The following RNF123 variants were observed in gnomAD, a reference collection of about 807,000 sequenced individuals.
RNF123 encodes the protein E3 ubiquitin-protein ligase RNF123.
RNF123 carries 86 observed loss-of-function variants against 168.5 expected under a neutral mutation model. The ratio of observed to expected loss-of-function variants is 0.51; its 90% CI spans 0.43 to 0.61. RNF123 has a LOEUF of 0.61. RNF123 is among the 20% of genes least tolerant of loss of function. RNF123 has a pLI of 0.00. For synonymous variants in RNF123, 666 were observed against 689.1 expected (o/e 0.97, Z 0.52); for missense variants, 1,419 against 1,729.7 (o/e 0.82, Z 3.19).
intron 30 of RNF123, 36 bp from the exon 31 acceptor site, chr3:49,714,054 T>C (rs765163891): frequency 1.2e-6 from 2 of 1,613,676 alleles, no homozygotes; most frequent in Non-Finnish European, 1.7e-6. Context: ...GGGTGCGCTG[T>C]CCCATTGACC....
Position 49,702,622 on chromosome 3 carries a change from G to A in RNF123, c.1630-11G>A. 6.2e-7 allele frequency: 1 copy of A among 1,614,214 alleles called. No homozygotes were observed. On this transcript the variant is annotated splice_polypyrimidine_tract_variant and intron_variant, in intron 19 of 38. Coordinates refer to ENST00000327697, the MANE Select transcript of RNF123 (RefSeq NM_022064.5). Reference sequence around the variant, plus strand: ...TGGCACCAATGCATGTTTCATGCCTGGTGTCCACAGAACATGCCCATGCTC... The same window carrying A: ...TGGCACCAATGCATGTTTCATGCCTAGTGTCCACAGAACATGCCCATGCTC...
Position 49,719,229 on chromosome 3 carries a change from G to T in RNF123, c.3501-1282G>T, listed in dbSNP as rs1374514141. The stretch of plus-strand genomic sequence containing the variant: ...GCAGCTGGAAGAGGGGCGCCAACCA[G>T]CCGGGGCGCAGGCGCTGGAGCGCGT... On this transcript the variant is annotated intron_variant, in intron 35 of 38. Coordinates refer to ENST00000327697, the MANE Select transcript of RNF123 (RefSeq NM_022064.5). 1.9e-6 allele frequency: 3 copies of T among 1,613,180 alleles called. No individual in the cohort carries two copies. In the Admixed American group the frequency reaches 5.0e-5, roughly 27 times the overall value.
chr3:49,712,373 T>G, intron 26 of RNF123, 106 bp from the exon 27 acceptor site: 1 of 1,026,898 alleles, frequency 9.7e-7, no homozygotes, highest in South Asian at 1.5e-5. Context: ...AGGTCTCAGT[T>G]GTGCTGTCGT....
chr3:49,718,225 C>T (rs2080291435), intron 35 of RNF123: 1 of 1,611,834 alleles, frequency 6.2e-7, no homozygotes, highest in Admixed American at 1.7e-5. Context: ...GCGGCAGCGG[C>T]AGGCACGGCG....
At position 49,714,002 on chromosome 3, in the gene RNF123, G is replaced by T; in HGVS notation, c.2925+5G>T. Reference sequence around the variant, plus strand: ...ATCCTGGTGCGGCTCTGGAGGGTAAGCCTGACTCGAGGGGAAGTGGCTGAG... The same window carrying T: ...ATCCTGGTGCGGCTCTGGAGGGTAATCCTGACTCGAGGGGAAGTGGCTGAG... On this transcript the variant is annotated splice_donor_5th_base_variant and intron_variant, in intron 30 of 38. Coordinates refer to ENST00000327697, the MANE Select transcript of RNF123 (RefSeq NM_022064.5). 1 of 1,614,092 alleles carries T rather than the reference G, an allele frequency of 6.2e-7. No homozygotes were observed. The highest frequency in any genetic ancestry group is 8.5e-7 in the Non-Finnish European group (1 of 1,180,004).
chr3:49,713,594 G>T lies in RNF123; in HGVS notation c.2749+7G>T. The T allele has an allele frequency of 6.2e-7, 1 of 1,610,910 alleles. No individual in the cohort carries two copies. The highest frequency in any genetic ancestry group is 8.5e-7 in the Non-Finnish European group (1 of 1,178,686). On this transcript the variant is annotated splice_region_variant and intron_variant, in intron 28 of 38. Coordinates refer to ENST00000327697, the MANE Select transcript of RNF123 (RefSeq NM_022064.5). ...GCACGCATTGTGGGCACTGGTGAGG[G>T]GCCCCTACAGAGGGTACAGGGGGAG...
Position 49,715,618 on chromosome 3 carries a change from C to T in RNF123, c.3054C>T (p.Leu1018=). ...TGCTGCAGCAGCACATGGCGGACCT[C>T]CTACAGCAGGGTCCTGATGTGGCAC... ...STLLQQHMAD[L]LQQGPDVAPS... The change falls in exon 32 of 39, where the codon CTC becomes CTT. Residue 1018 remains leucine, a synonymous_variant. Transcript: ENST00000327697. The T allele has an allele frequency of 1.2e-6, 2 of 1,614,182 alleles. No homozygotes were observed. Among genetic ancestry groups the T allele is most frequent in the African/African-American group, 1.3e-5 (1 of 75,070 alleles).
At position 49,700,478 on chromosome 3, in the gene RNF123, G is replaced by A. The variant is rs1559674769; in HGVS notation, c.1117G>A (p.Glu373Lys). 1.9e-6 allele frequency: 3 copies of A among 1,614,034 alleles called. No individual in the cohort carries two copies. The highest frequency in any genetic ancestry group is 2.5e-6 in the Non-Finnish European group (3 of 1,179,928). ...TTGGCATCTCTTCCCCCAGGACTACGAGGTACAAGATTGCCTCAAGCAGTT... is the reference window on the plus strand; with the variant it reads ...TTGGCATCTCTTCCCCCAGGACTACAAGGTACAAGATTGCCTCAAGCAGTT... ...DLLWLFMEDY[E>K]VQDCLKQLMM... is the part of the protein sequence containing the mutation. Residue 373 changes from glutamate to lysine, a missense_variant, in exon 14 of 39, where the codon GAG becomes AAG. Transcript: ENST00000327697.
intron 35 of RNF123, chr3:49,719,353 C>T: frequency 6.2e-7 from 1 of 1,613,520 alleles, no homozygotes; most frequent in East Asian, 2.2e-5. Flanking sequence ...AGCGCAGATA[C>T]ATTTGTAGGG....
intron 34 of RNF123, 43 bp downstream of exon 34, chr3:49,716,220 C>CGCGA: frequency 6.2e-7 from 1 of 1,603,578 alleles, no homozygotes; most frequent in Non-Finnish European, 8.5e-7. Flanking sequence ...CTACAGGCCT[C>CGCGA]GGTTCCTCTG....
chr3:49,720,758 T>C, intron 36 of RNF123, 42 bp from the exon 37 acceptor site: 3 of 1,612,516 alleles, frequency 1.9e-6, no homozygotes, highest in Non-Finnish European at 2.5e-6. Flanking sequence ...AGGCATCACA[T>C]CCTCAGCTAC....
At chr3:49,702,003 A>G (rs768838871) in intron 17 of RNF123, 80 bp from the exon 18 acceptor site, 14 of 1,563,150 alleles carry the variant, frequency 9.0e-6, no homozygotes, top group Non-Finnish European at 1.2e-5. Context: ...GACTTGGGGA[A>G]CCCTGGTGGT....
Position 49,715,970 on chromosome 3 carries a change from C to T in RNF123, c.3299C>T (p.Thr1100Ile), listed in dbSNP as rs1191614225. Residue 1100 changes from threonine to isoleucine, a missense_variant, in exon 33 of 39, where the codon ACC becomes ATC. Thr to Ile is a moderately conservative substitution (Grantham distance 89). Around this residue, in one of 5 missense-constraint regions of RNF123, gnomAD observed 538 missense variants for 708.8 expected, o/e 0.76. Transcript: ENST00000327697. ...TLVPEIFLDWTRPTSEMLLRR... is the reference protein window; with the variant it reads ...TLVPEIFLDWIRPTSEMLLRR... Reference sequence around the variant, plus strand: ...GTGCCTGAGATATTCCTTGACTGGACCCGGCCTACCTCTGAGATGCTGCTG... The same window carrying T: ...GTGCCTGAGATATTCCTTGACTGGATCCGGCCTACCTCTGAGATGCTGCTG... The T allele has an allele frequency of 1.9e-6, 3 of 1,613,872 alleles. No individual in the cohort carries two copies. Among genetic ancestry groups the T allele is most frequent in the Middle Eastern group, 1.6e-4 (1 of 6,084 alleles).
intron 35 of RNF123, chr3:49,718,516 T>C (rs1345846769): frequency 1.2e-6 from 2 of 1,612,998 alleles, no homozygotes; most frequent in African/African-American, 2.7e-5. Flanking sequence ...CCTGAGAAGC[T>C]CCTGCTGCGG....
In RNF123 at chr3:49,716,474, C is replaced by T. The variant is rs770306246; in HGVS notation, c.3497C>T (p.Ser1166Leu). ...CAGCTCCTGGTGCGTGGCCCAGCCT[C>T]AGAGTGAGTGTTGGGGACCGTGGGC... ...LVQLLVRGPA[S>L]EREQATSVLL... The change falls in exon 35 of 39, where the codon TCA becomes TTA. Residue 1166 changes from serine (S) to leucine (L), a missense_variant. Transcript: ENST00000327697. 3.7e-6 allele frequency: 6 copies of T among 1,613,768 alleles called. No homozygotes were observed. In the East Asian group the frequency reaches 1.1e-4, roughly 30 times the overall value.
intron 35 of RNF123, chr3:49,718,513 A>G (rs1446840217): frequency 1.2e-6 from 2 of 1,613,114 alleles, no homozygotes; most frequent in Admixed American, 3.3e-5. Flanking sequence ...CGCCCTGAGA[A>G]GCTCCTGCTG....
chr3:49,696,184 C>T (rs1371335272), intron 3 of RNF123, among the ~76,000 whole-genome samples: 1 of 152,208 alleles, frequency 6.6e-6, no homozygotes, highest in Non-Finnish European at 1.5e-5. Flanking sequence ...AGCATTTCTC[C>T]CAGCCTTCTT....
chr3:49,713,090 C>T (rs771977150), intron 27 of RNF123: 3 of 601,890 alleles, frequency 5.0e-6, no homozygotes, highest in Non-Finnish European at 8.9e-6. Flanking sequence ...GAACCTGGGC[C>T]TCTCAGCCTG....
At chr3:49,695,883 TAGGCCTGTGTGTTG>T (rs2054258092) in intron 3 of RNF123, among the ~76,000 whole-genome samples, 1 of 152,174 alleles carries the variant, frequency 6.6e-6, no homozygotes, top group Non-Finnish European at 1.5e-5. Flanking sequence ...CTTTTCCCTC[TAGGCCTGTGTGTTG>T]AGAGGATGAG....
Sources: allele counts gnomAD v4.1 joint callset (sites outside exome capture counted in the v4.1 genomes callset), GRCh38; gene constraint gnomAD v4.1.1; regional missense constraint gnomAD v4.1.1; transcripts MANE v1.5; gene names NCBI Gene and HGNC (gene_info 2026-07-23, HGNC 2026-07-21).